The following RNF115 variants were observed in gnomAD, a reference collection of about 807,000 sequenced individuals.
RNF115 encodes ring finger protein 115, also known as E3 ubiquitin-protein ligase RNF115.
A neutral mutation model predicts 39.2 loss-of-function variants in RNF115; 31 were observed. That is an observed-to-expected ratio of 0.79 (90% confidence interval 0.59 to 1.07). The LOEUF (loss-of-function observed/expected upper bound fraction) is 1.07, where lower values mean the gene tolerates loss of function less well. RNF115 is among the 50% of genes least tolerant of loss of function. The pLI is 0.00. For synonymous variants in RNF115, 124 were observed against 131.0 expected (o/e 0.95, Z 0.37); for missense variants, 384 against 381.7 (o/e 1.01, Z -0.05).
intron 4 of RNF115, among the ~76,000 whole-genome samples, chr1:145,762,681 GAA>G (rs782700281): frequency 6.9e-6 from 1 of 145,298 alleles, no homozygotes; most frequent in African/African-American, 2.5e-5. Flanking sequence ...TTTTTAATAA[GAA>G]AAAAAAAAGT....
chr1:145,792,207 T>G (rs1648706755), intron 1 of RNF115, among the ~76,000 whole-genome samples: 1 of 152,152 alleles, frequency 6.6e-6, no homozygotes, highest in Admixed American at 6.6e-5. Flanking sequence ...CATGAAACAC[T>G]GTGCCCAGTT....
Position 145,765,422 on chromosome 1 carries a change from A to G in RNF115, c.428+6289T>C, listed in dbSNP as rs200017279. On this transcript the variant is annotated intron_variant, in intron 4 of 8. Transcript: ENST00000582693. ...AACACCCAAGAATGATCAATAAAAA[A>G]AAAAAAAATTAAAAAAAAATTATTT... Among the ~76,000 whole-genome samples, 24 of 152,182 alleles carry G rather than the reference A, an allele frequency of 1.6e-4. No individual in the cohort carries two copies. The East Asian group carries it at 3.5e-3, about 22-fold the overall frequency.
intron 1 of RNF115, among the ~76,000 whole-genome samples, chr1:145,798,853 G>A (rs782491858): frequency 5.6e-4 from 85 of 151,976 alleles, no homozygotes; most frequent in Admixed American, 4.7e-3. Context: ...AGTATTTTAC[G>A]GTTTTTAATA....
intron 1 of RNF115, among the ~76,000 whole-genome samples, chr1:145,794,353 A>G (rs1553719466): frequency 6.6e-6 from 1 of 151,728 alleles, no homozygotes; most frequent in Non-Finnish European, 1.5e-5. Context: ...TCTCATTGTC[A>G]CCCCTCCCCT....
intron 1 of RNF115, among the ~76,000 whole-genome samples, chr1:145,793,329 CAAT>C (rs1292961479): frequency 2.0e-5 from 3 of 152,152 alleles, no homozygotes; most frequent in Admixed American, 2.0e-4. Context: ...AAAATAATAA[CAAT>C]AATATATGCA....
At chr1:145,751,330 T>TA in intron 6 of RNF115, 108 bp downstream of exon 6, 1 of 747,716 alleles carries the variant, frequency 1.3e-6, no homozygotes, top group East Asian at 2.8e-5. Flanking sequence ...CTCAAAATAT[T>TA]AGAGAAAGCA....
intron 7 of RNF115, 63 bp downstream of exon 7, chr1:145,750,344 G>A: frequency 3.1e-6 from 4 of 1,308,680 alleles, no homozygotes; most frequent in Non-Finnish European, 4.4e-6. Flanking sequence ...TCACCTGTCA[G>A]AAGATACCGG....
At chr1:145,808,531 T>C (rs1447003555) in intron 1 of RNF115, among the ~76,000 whole-genome samples, 5 of 152,182 alleles carry the variant, frequency 3.3e-5, no homozygotes, top group Admixed American at 2.6e-4. Flanking sequence ...CCAACCATTA[T>C]TTGGTTTTTT....
intron 4 of RNF115, among the ~76,000 whole-genome samples, chr1:145,769,801 A>G (rs1044131967): frequency 3.3e-5 from 5 of 151,194 alleles, no homozygotes; most frequent in African/African-American, 9.7e-5. Flanking sequence ...ATCAACTCCA[A>G]TAATGTGTTA....
chr1:145,771,986 GTTT>G, intron 3 of RNF115, 67 bp from the exon 4 acceptor site: 1 of 1,280,450 alleles, frequency 7.8e-7, no homozygotes, highest in Non-Finnish European at 1.1e-6. Flanking sequence ...ATTGTTTACA[GTTT>G]TTTATATTAC....
chr1:145,802,924 T>A (rs1297305102), intron 1 of RNF115, among the ~76,000 whole-genome samples: 1 of 152,182 alleles, frequency 6.6e-6, no homozygotes, highest in African/African-American at 2.4e-5. Flanking sequence ...AGCCAGGTTA[T>A]ACATCCTCCT....
chr1:145,779,103 TA>T (rs1553716948), intron 3 of RNF115, among the ~76,000 whole-genome samples: 1 of 152,180 alleles, frequency 6.6e-6, no homozygotes, highest in African/African-American at 2.4e-5. Context: ...CCATCATATA[TA>T]ACTAGACATG....
chr1:145,797,170 C>T (rs1441362321), intron 1 of RNF115, among the ~76,000 whole-genome samples: 1 of 152,176 alleles, frequency 6.6e-6, no homozygotes, highest in Admixed American at 6.5e-5. Flanking sequence ...CTCCCTAATT[C>T]CTATTTTCCT....
At chr1:145,794,502 C>CTTTTTTTTTTT (rs57242475) in intron 1 of RNF115, among the ~76,000 whole-genome samples, 5 of 81,096 alleles carry the variant, frequency 6.2e-5, no homozygotes, top group East Asian at 3.5e-4. Flanking sequence ...TAATCTCTTT[C>CTTTTTTTTTTT]TTTTTTTTTT....
At chr1:145,770,315 C>A (rs1553715563) in intron 4 of RNF115, among the ~76,000 whole-genome samples, 1 of 151,920 alleles carries the variant, frequency 6.6e-6, no homozygotes, top group Non-Finnish European at 1.5e-5. Flanking sequence ...TGTAATAACG[C>A]AAGTATAGTA....
chr1:145,746,890 C>T lies in RNF115; in HGVS notation c.891G>A (p.Gln297=), dbSNP rs782159930. ...TTCAGAAAGTCCATCGGTCATGTAGCTGACTGTCATTGCTAAATCTGTTGC... is the reference window on the plus strand; with the variant it reads ...TTCAGAAAGTCCATCGGTCATGTAGTTGACTGTCATTGCTAAATCTGTTGC... ...SASNRFSNDS[Q]LHDRWTF Residue 297 remains glutamine, a synonymous_variant, in exon 9 of 9, where the codon CAG becomes CAA. Coordinates refer to ENST00000582693, the MANE Select transcript of RNF115 (RefSeq NM_014455.4). The T allele has an allele frequency of 2.5e-6, 4 of 1,613,944 alleles. No individual in the cohort carries two copies. The highest frequency in any genetic ancestry group is 1.7e-5 in the Admixed American group (1 of 59,970).
intron 3 of RNF115, chr1:145,772,925 T>C (rs1480920647): frequency 2.6e-5 from 4 of 152,236 alleles, no homozygotes; most frequent in African/African-American, 9.6e-5. Flanking sequence ...TCAAACTATA[T>C]AATTTCAGTG....
chr1:145,804,447 T>C (rs1301311731), intron 1 of RNF115, among the ~76,000 whole-genome samples: 1 of 152,026 alleles, frequency 6.6e-6, no homozygotes, highest in Non-Finnish European at 1.5e-5. Flanking sequence ...ATTTCAACTA[T>C]GTATGTGCAC....
chr1:145,768,812 CAT>C (rs782364430), intron 4 of RNF115, among the ~76,000 whole-genome samples: 2 of 152,306 alleles, frequency 1.3e-5, no homozygotes, highest in South Asian at 4.1e-4. Flanking sequence ...ACTTTCAAAA[CAT>C]ACAGTGACAT....
Sources: allele counts gnomAD v4.1 joint callset (sites outside exome capture counted in the v4.1 genomes callset), GRCh38; gene constraint gnomAD v4.1.1; transcripts MANE v1.5; gene names NCBI Gene and HGNC (gene_info 2026-07-23, HGNC 2026-07-21).